PTPRS: variants seen among roughly 807,000 people sequenced by gnomAD.
PTPRS encodes receptor-type tyrosine-protein phosphatase S.
In PTPRS, 63 loss-of-function variants were observed where a neutral mutation model predicts 215.3. The ratio of observed to expected loss-of-function variants is 0.29; its 90% CI spans 0.24 to 0.36. PTPRS has a LOEUF of 0.36. Ranked by LOEUF, PTPRS falls within the 10% of genes least tolerant of loss-of-function variation. The pLI, the probability that PTPRS is intolerant of heterozygous loss-of-function variation, is 1.00. For synonymous variants in PTPRS, 1,404 were observed against 1,191.4 expected, an observed-to-expected ratio of 1.18 and a Z score of -3.68; for missense variants, 2,258 against 2,825.8, an observed-to-expected ratio of 0.80 and a Z score of 4.56.
intron 1 of PTPRS, among the ~76,000 whole-genome samples, chr19:5,335,748 T>G: frequency 6.7e-6 from 1 of 148,812 alleles, no homozygotes; most frequent in Admixed American, 6.7e-5. Flanking sequence ...GAGGAGGGAG[T>G]CCCCATGATC....
intron 1 of PTPRS, among the ~76,000 whole-genome samples, chr19:5,331,127 T>TAAAAAAAAAAAAAA (rs1568622692): frequency 3.7e-5 from 3 of 80,698 alleles, no homozygotes; most frequent in African/African-American, 1.4e-4. Context: ...GCTTCTTTTT[T>TAAAAAAAAAAAAAA]TAAAAAAAAA....
At chr19:5,311,115 T>C (rs2049688095) in intron 1 of PTPRS, among the ~76,000 whole-genome samples, 1 of 152,008 alleles carries the variant, frequency 6.6e-6, no homozygotes, top group South Asian at 2.1e-4. Flanking sequence ...CCTGACCTCG[T>C]GATCCACCTG....
At chr19:5,307,595 G>A (rs949151033) in intron 1 of PTPRS, among the ~76,000 whole-genome samples, 20 of 152,092 alleles carry the variant, frequency 1.3e-4, no homozygotes, top group African/African-American at 4.1e-4. Flanking sequence ...AAATCCAGCC[G>A]CCTACTAAAT....
intron 11 of PTPRS, among the ~76,000 whole-genome samples, chr19:5,241,153 T>A (rs1340326447): frequency 5.3e-5 from 8 of 151,730 alleles, no homozygotes; most frequent in Admixed American, 5.2e-4. Flanking sequence ...CCTCCCAAAG[T>A]GCTGGAATTA....
chr19:5,218,299 G>T (rs1380213069), intron 25 of PTPRS, 121 bp downstream of exon 25: 5 of 795,448 alleles, frequency 6.3e-6, no homozygotes, highest in Non-Finnish European at 1.0e-5. Context: ...AATCCAGAAT[G>T]TGGCTGCACC....
In PTPRS at chr19:5,287,115, C is replaced by T. The variant is rs991292366; in HGVS notation, c.-94-881G>A. On this transcript the variant is annotated intron_variant, in intron 1 of 37. Coordinates refer to ENST00000262963, the MANE Select transcript of PTPRS (RefSeq NM_002850.4). This position sits in a 1 kb window ranked among gnomAD's most constrained non-coding sequence, Gnocchi z 4.8. ...TCTTGCTGACTTCACTGTTTCCTCT[C>T]GCTTGGAGGTACAGCCAGGCCAGCC... is the stretch of plus-strand genomic sequence containing the variant. 3.9e-5 allele frequency among the ~76,000 whole-genome samples: 6 copies of T among 152,160 alleles called. No individual in the cohort carries two copies. The highest frequency in any genetic ancestry group is 1.9e-4 in the East Asian group (1 of 5,190).
rs779958080 is a variant in PTPRS, at chr19:5,237,066, C to G, written c.1849+1853G>C. Reference sequence around the variant, plus strand: ...ACTCTTCAACTGCTAACTTAAAAGACTTTCTTACGAGAGAGGGAACGGCCG... The same window carrying G: ...ACTCTTCAACTGCTAACTTAAAAGAGTTTCTTACGAGAGAGGGAACGGCCG... On this transcript the variant is annotated intron_variant, in intron 13 of 37. Coordinates refer to ENST00000262963, the MANE Select transcript of PTPRS (RefSeq NM_002850.4). This position sits in a 1 kb window ranked among gnomAD's most constrained non-coding sequence, Gnocchi z 4.2. Among the ~76,000 whole-genome samples the G allele has an allele frequency of 1.3e-5, 2 of 152,196 alleles. No individual in the cohort carries two copies. The highest frequency in any genetic ancestry group is 2.9e-5 in the Non-Finnish European group (2 of 68,036).
At chr19:5,259,585 AT>A (rs1329094834) in intron 7 of PTPRS, among the ~76,000 whole-genome samples, 1 of 152,176 alleles carries the variant, frequency 6.6e-6, no homozygotes, top group Admixed American at 6.5e-5. Flanking sequence ...CAAAGTCCTT[AT>A]TTTCATAAGT....
chr19:5,224,366 A>C (rs1599483257), intron 17 of PTPRS, among the ~76,000 whole-genome samples: 1 of 151,886 alleles, frequency 6.6e-6, no homozygotes, highest in South Asian at 2.1e-4. Flanking sequence ...GACTCAGAGA[A>C]CCCCTCCTCC....
intron 16 of PTPRS, among the ~76,000 whole-genome samples, chr19:5,227,827 G>A (rs1446796947): frequency 1.3e-5 from 2 of 152,180 alleles, no homozygotes; most frequent in Admixed American, 6.5e-5. Flanking sequence ...CAATAAGTGA[G>A]TGCTCGTCCA....
At chr19:5,310,864 C>A (rs1014125423) in intron 1 of PTPRS, among the ~76,000 whole-genome samples, 1 of 152,052 alleles carries the variant, frequency 6.6e-6, no homozygotes. Flanking sequence ...TACCACCACA[C>A]CCGGCTAATT....
intron 13 of PTPRS, among the ~76,000 whole-genome samples, chr19:5,233,779 A>G (rs1021547148): frequency 2.0e-5 from 3 of 151,348 alleles, no homozygotes; most frequent in African/African-American, 7.3e-5. Flanking sequence ...CTCCGTCTCT[A>G]CTACAAGATA....
At position 5,223,434 on chromosome 19, in the gene PTPRS, A is replaced by C. The variant is rs1384001880; in HGVS notation, c.2495-137T>G. 7.3e-6 allele frequency: 8 copies of C among 1,103,246 alleles called. No individual in the cohort carries two copies. The Admixed American group carries it at 1.5e-4, about 21-fold the overall frequency. 68.3% of individuals were successfully genotyped at this position (1,103,246 alleles called of 1,614,324 possible). A position where few individuals can be genotyped will look rare whatever the true frequency, so the allele number is the denominator to read the frequency against. On this transcript the variant is annotated intron_variant, in intron 17 of 37. Coordinates refer to ENST00000262963, the MANE Select transcript of PTPRS (RefSeq NM_002850.4). ...TGGGGGGGGTCTTACTCTGTTGCCCAGCCTGGAGTGCAATGGTGAGATCAC... is the reference window on the plus strand; with the variant it reads ...TGGGGGGGGTCTTACTCTGTTGCCCCGCCTGGAGTGCAATGGTGAGATCAC...
rs573648858 is a variant in PTPRS, at chr19:5,246,375, T to C, written c.719-330A>G. Among the ~76,000 whole-genome samples, 141 of 152,252 alleles carry C rather than the reference T, an allele frequency of 9.3e-4. 1 individual carries two copies. The highest frequency in any genetic ancestry group is 3.0e-3 in the African/African-American group (124 of 41,544). On this transcript the variant is annotated intron_variant, in intron 9 of 37. Coordinates refer to ENST00000262963, the MANE Select transcript of PTPRS (RefSeq NM_002850.4). ...GAGATATATCAATATATAATAGACA[T>C]GAAGCATTATCTCATAGCAACAGGG...
At chr19:5,255,831 C>G (rs1015325522) in intron 9 of PTPRS, among the ~76,000 whole-genome samples, 1 of 152,238 alleles carries the variant, frequency 6.6e-6, no homozygotes, top group Non-Finnish European at 1.5e-5. Context: ...ATGCAAGCAT[C>G]GCATGTGTGC....
intron 1 of PTPRS, among the ~76,000 whole-genome samples, chr19:5,291,362 G>A (rs1330848354): frequency 6.6e-6 from 1 of 152,112 alleles, no homozygotes; most frequent in Non-Finnish European, 1.5e-5. Flanking sequence ...GCTGGGTTAG[G>A]ATTTGAGGCC....
Position 5,265,008 on chromosome 19 carries a change from C to G in PTPRS, c.568G>C (p.Glu190Gln). ...CGTCCTGTCAGCCACCCTCACTCAC[C>G]TGATCGCAGCTGTTTGATGCGTCCA... ...SNGRIKQLRS[E>Q]TFESTPIRGA... The change falls in exon 5 of 38, where the codon GAA becomes CAA. Residue 190 changes from glutamate (E) to glutamine (Q), a missense_variant and splice_region_variant. Physicochemically the swap from Glu to Gln is conservative, Grantham distance 29. Transcript: ENST00000262963. The G allele has an allele frequency of 6.2e-7, 1 of 1,613,948 alleles. No homozygotes were observed.
rs1015526594 is a variant in PTPRS at position 5,225,729 on chromosome 19, G to A, written c.2492C>T (p.Ala831Val). The change falls in exon 17 of 38, where the codon GCA becomes GTA. Residue 831 changes from alanine to valine, a missense_variant and splice_region_variant. Ala to Val is a moderately conservative substitution (Grantham distance 64). Transcript: ENST00000262963. Reference sequence around the variant, plus strand: ...TGGGAGGAGGGCGGGTTGCATACCTGCTCCCTTGGTCACAACCACCTTGGG... The same window carrying A: ...TGGGAGGAGGGCGGGTTGCATACCTACTCCCTTGGTCACAACCACCTTGGG... Reference protein sequence around the residue: ...SKPKVVVTKGAVLGRPTLSVQ... With the variant: ...SKPKVVVTKGVVLGRPTLSVQ... 2.5e-6 allele frequency: 4 copies of A among 1,613,436 alleles called. No individual in the cohort carries two copies. In the African/African-American group the frequency reaches 4.0e-5, roughly 16 times the overall value.
rs542874925 is a variant in PTPRS at position 5,210,580 on chromosome 19, C to T, written c.5376G>A (p.Gln1792=). 8.7e-6 allele frequency: 14 copies of T among 1,614,120 alleles called. No homozygotes were observed. Among genetic ancestry groups the T allele is most frequent in the African/African-American group, 2.7e-5 (2 of 74,958 alleles). Reference sequence around the variant, plus strand: ...GGGCAGAGCGCTCGGCCGGCCAGTACTGGTGACACTTCTCCTGTGGAGGAG... The same window carrying T: ...GGGCAGAGCGCTCGGCCGGCCAGTATTGGTGACACTTCTCCTGTGGAGGAG... The part of the protein sequence containing the change: ...LREMGREKCH[Q]YWPAERSARY... The change falls in exon 35 of 38, where the codon CAG becomes CAA. Residue 1792 remains glutamine (Q), a synonymous_variant. Coordinates refer to ENST00000262963, the MANE Select transcript of PTPRS (RefSeq NM_002850.4). The surrounding 1 kb of genome is among the most constrained non-coding windows in gnomAD (Gnocchi z 4.5).
Sources: allele counts gnomAD v4.1 joint callset (sites outside exome capture counted in the v4.1 genomes callset), GRCh38; gene constraint gnomAD v4.1.1; non-coding constraint Gnocchi (gnomAD v3.1); transcripts MANE v1.5; gene names NCBI Gene and HGNC (gene_info 2026-07-23, HGNC 2026-07-21).